The following RGS6 variants were observed in gnomAD, a reference collection of about 807,000 sequenced individuals.
RGS6 encodes regulator of G protein signaling 6.
RGS6 carries 30 observed loss-of-function variants against 78.5 expected under a neutral mutation model. The ratio of observed to expected loss-of-function variants is 0.38; its 90% CI spans 0.29 to 0.52. RGS6 has a LOEUF of 0.52. RGS6 is among the 20% of genes least tolerant of loss of function. The pLI, the probability that RGS6 is intolerant of heterozygous loss-of-function variation, is 0.85. For synonymous variants in RGS6, 206 were observed against 206.0 expected (o/e 1.00, Z 0.00); for missense variants, 495 against 609.7 (o/e 0.81, Z 1.98).
At chr14:72,183,988 A>G (rs998073802) in intron 2 of RGS6, among the ~76,000 whole-genome samples, 8 of 152,196 alleles carry the variant, frequency 5.3e-5, no homozygotes, top group Non-Finnish European at 8.8e-5. Flanking sequence ...CAGTCTCCAC[A>G]TTCAGACTTT....
intron 2 of RGS6, among the ~76,000 whole-genome samples, chr14:72,273,229 C>T (rs4899429): frequency 0.058 from 8,898 of 152,134 alleles, 434 homozygotes; most frequent in East Asian, 0.3. Flanking sequence ...AAGTTGATTC[C>T]GGCTTTCAAA....
intron 2 of RGS6, among the ~76,000 whole-genome samples, chr14:72,275,878 C>G (rs2153936357): frequency 6.6e-6 from 1 of 152,304 alleles, no homozygotes; most frequent in Middle Eastern, 3.4e-3. Context: ...GGGTACCTCA[C>G]AGGAGAGGGT....
intron 2 of RGS6, among the ~76,000 whole-genome samples, chr14:72,225,046 C>T (rs1232766937): frequency 2.0e-5 from 3 of 152,164 alleles, no homozygotes; most frequent in African/African-American, 7.2e-5. Context: ...GCCTAGATGC[C>T]CCATTCACTC....
At chr14:72,365,584 C>A (rs77476331) in intron 3 of RGS6, among the ~76,000 whole-genome samples, 2,435 of 152,208 alleles carry the variant, frequency 0.016, 29 homozygotes, top group Non-Finnish European at 0.026. Context: ...TTGGTGAATT[C>A]CTGAAGGATC....
chr14:72,211,048 T>A (rs6574049), intron 2 of RGS6, among the ~76,000 whole-genome samples: 129,505 of 152,188 alleles, frequency 0.85, 55,296 homozygotes, highest in Middle Eastern at 0.93. Flanking sequence ...GTACATAAAT[T>A]CCTGAGAAAA....
chr14:72,261,892 G>A (rs2058229505), intron 2 of RGS6, among the ~76,000 whole-genome samples: 2 of 152,152 alleles, frequency 1.3e-5, no homozygotes, highest in African/African-American at 2.4e-5. Context: ...CTGTTCTAGA[G>A]ATAATTTCTG....
chr14:72,004,370 A>G (rs541583044), intron 2 of RGS6, among the ~76,000 whole-genome samples: 1 of 152,236 alleles, frequency 6.6e-6, no homozygotes, highest in African/African-American at 2.4e-5. Context: ...AATTTGATAG[A>G]ACACAAGAAT....
chr14:72,624,333 CTTT>C, the RGS6 span, among the ~76,000 whole-genome samples: 2 of 97,796 alleles, frequency 2.0e-5, no homozygotes, highest in African/African-American at 3.9e-5. Context: ...ACCTATGTCT[CTTT>C]TTTTTTTTTT....
At chr14:71,874,936 G>C in the RGS6 span, among the ~76,000 whole-genome samples, 17 of 152,164 alleles carry the variant, frequency 1.1e-4, no homozygotes, top group African/African-American at 2.4e-5. Context: ...TTTATCTGAT[G>C]GATTACGTTT....
intron 2 of RGS6, among the ~76,000 whole-genome samples, chr14:72,165,103 C>T (rs2096906735): frequency 6.6e-6 from 1 of 152,288 alleles, no homozygotes; most frequent in Non-Finnish European, 1.5e-5. Context: ...AAGAAAGAGC[C>T]AGGAACCCTG....
chr14:71,875,653 G>C, the RGS6 span, among the ~76,000 whole-genome samples: 5 of 152,046 alleles, frequency 3.3e-5, no homozygotes, highest in African/African-American at 7.2e-5. Context: ...CTTCAGTTCT[G>C]CTCTGATCTT....
intron 1 of RGS6, among the ~76,000 whole-genome samples, chr14:71,958,444 A>G (rs745938118): frequency 2.6e-5 from 4 of 152,230 alleles, no homozygotes; most frequent in Non-Finnish European, 5.9e-5. Context: ...AATTCTAATC[A>G]GCAGGCCGGG....
chr14:71,973,767 G>A (rs2093951392), intron 2 of RGS6, among the ~76,000 whole-genome samples: 1 of 152,100 alleles, frequency 6.6e-6, no homozygotes, highest in Non-Finnish European at 1.5e-5. Context: ...TAAATTTTTT[G>A]AAGCTTTTTT....
intron 2 of RGS6, among the ~76,000 whole-genome samples, chr14:72,137,310 G>A (rs1308857592): frequency 6.6e-6 from 1 of 152,216 alleles, no homozygotes; most frequent in African/African-American, 2.4e-5. Flanking sequence ...GTAAGAGACA[G>A]GAGAAACCAA....
intron 2 of RGS6, among the ~76,000 whole-genome samples, chr14:72,067,185 G>A (rs1043408759): frequency 3.3e-5 from 5 of 152,048 alleles, no homozygotes; most frequent in African/African-American, 7.2e-5. Flanking sequence ...CCAGTAATGC[G>A]TCATTCCCAG....
At chr14:71,909,864 A>G in the RGS6 span, among the ~76,000 whole-genome samples, 13 of 152,220 alleles carry the variant, frequency 8.5e-5, no homozygotes, top group South Asian at 2.5e-3. Context: ...CCTCTTTGAC[A>G]TAAGTGTATT....
intron 2 of RGS6, among the ~76,000 whole-genome samples, chr14:72,262,087 C>G (rs1872948300): frequency 6.6e-6 from 1 of 151,736 alleles, no homozygotes; most frequent in Non-Finnish European, 1.5e-5. Flanking sequence ...CTAACAGTTC[C>G]AGTTTTTGGA....
chr14:71,935,161 A>G (rs1176606616), intron 1 of RGS6, among the ~76,000 whole-genome samples: 1 of 152,258 alleles, frequency 6.6e-6, no homozygotes, highest in Non-Finnish European at 1.5e-5. Flanking sequence ...CTGTAAGGAA[A>G]GAAATAGAAT....
chr14:72,097,526 T>A (rs910431946), intron 2 of RGS6, among the ~76,000 whole-genome samples: 36 of 152,242 alleles, frequency 2.4e-4, no homozygotes, highest in Admixed American at 2.4e-3. Flanking sequence ...CAGAGATTCC[T>A]GTCTTGCTAA....
Sources: gnomAD v4.1 joint callset for allele counts (sites outside exome capture counted in the v4.1 genomes callset) on GRCh38, gnomAD v4.1.1 for gene constraint, MANE v1.5 for transcripts, NCBI Gene and HGNC (gene_info 2026-07-23, HGNC 2026-07-21) for gene names.